Variants in GARNL3 observed in about 807,000 individuals in gnomAD.
GARNL3 encodes the protein GTPase activating Rap/RanGAP domain like 3.
Under a neutral mutation model 125.0 loss-of-function variants are expected in GARNL3, and 63 were observed. The observed-to-expected ratio is 0.50, with a 90% CI of 0.41 to 0.62. GARNL3 has a LOEUF of 0.62. GARNL3 is among the 20% of genes least tolerant of loss of function. GARNL3 has a pLI of 0.00. For synonymous variants in GARNL3, 439 were observed against 457.5 expected, an observed-to-expected ratio of 0.96 and a Z score of 0.52; for missense variants, 994 against 1,244.0, an observed-to-expected ratio of 0.80 and a Z score of 3.02.
intron 22 of GARNL3, among the ~76,000 whole-genome samples, chr9:127,368,008 CTTT>C (rs10573639): frequency 6.0e-4 from 49 of 81,908 alleles, no homozygotes; most frequent in Non-Finnish European, 9.1e-4. Flanking sequence ...CATAGACTTT[CTTT>C]TTTTTTTTTT....
chr9:127,370,879 C>T (rs1020282598), intron 22 of GARNL3, among the ~76,000 whole-genome samples: 2 of 152,234 alleles, frequency 1.3e-5, no homozygotes, highest in Admixed American at 1.3e-4. Flanking sequence ...ACTCCCAGGT[C>T]TCTCCAGTCC....
intron 16 of GARNL3, 37 bp from the exon 17 acceptor site, chr9:127,348,887 G>T: frequency 7.1e-7 from 1 of 1,405,324 alleles, no homozygotes; most frequent in East Asian, 2.3e-5. Context: ...TATTTTTTCT[G>T]GTGCACTTAT....
chr9:127,369,705 A>G (rs976700073), intron 22 of GARNL3, among the ~76,000 whole-genome samples: 3 of 152,222 alleles, frequency 2.0e-5, no homozygotes, highest in Non-Finnish European at 4.4e-5. Context: ...GGAGAAGAGA[A>G]AGCAGACTGG....
chr9:127,370,915 A>G (rs183843454), intron 22 of GARNL3, among the ~76,000 whole-genome samples: 48 of 152,200 alleles, frequency 3.2e-4, no homozygotes, highest in East Asian at 1.5e-3. Context: ...CTCTGCACCA[A>G]TGTGTCACAC....
At chr9:127,224,657 C>G (rs903630239) in intron 1 of GARNL3, 3 of 152,954 alleles carry the variant, frequency 2.0e-5, no homozygotes, top group African/African-American at 7.3e-5. Flanking sequence ...AGGCCGAACT[C>G]CAAGGGACGA....
rs560667596 is a variant in GARNL3 at position 127,266,097 on chromosome 9, C to A, written c.144+1076C>A. On this transcript the variant is annotated intron_variant, in intron 1 of 27. Coordinates refer to ENST00000373387, the MANE Select transcript of GARNL3 (RefSeq NM_032293.5). This position sits in a 1 kb window ranked among gnomAD's most constrained non-coding sequence, Gnocchi z 4.0. ...GATACCTCAGTTGATTCAGTCAACA[C>A]CTGTTCTGTCTGTCACTGGTGACAC... 1.9e-4 allele frequency among the ~76,000 whole-genome samples: 29 copies of A among 152,336 alleles called. No individual in the cohort carries two copies. The South Asian group carries it at 6.0e-3, about 32-fold the overall frequency.
At chr9:127,321,888 G>A (rs777995468) in intron 6 of GARNL3, among the ~76,000 whole-genome samples, 1 of 152,200 alleles carries the variant, frequency 6.6e-6, no homozygotes, top group Non-Finnish European at 1.5e-5. Flanking sequence ...GAGGAGGACT[G>A]ATTGGAACAT....
intron 1 of GARNL3, among the ~76,000 whole-genome samples, chr9:127,284,591 T>G (rs1381087739): frequency 6.6e-6 from 1 of 152,108 alleles, no homozygotes; most frequent in African/African-American, 2.4e-5. Flanking sequence ...TTCATTGTTT[T>G]TATCCTTTTT....
chr9:127,384,343 G>A lies in GARNL3; in HGVS notation c.2270-684G>A, dbSNP rs1437465799. Reference sequence around the variant, plus strand: ...TGCGCTCATCCATGGAAAGAGTGCAGAGAGAGCCAGTGCGAAGAAGGGGAC... The same window carrying A: ...TGCGCTCATCCATGGAAAGAGTGCAAAGAGAGCCAGTGCGAAGAAGGGGAC... On this transcript the variant is annotated intron_variant, in intron 23 of 27. Coordinates refer to ENST00000373387, the MANE Select transcript of GARNL3 (RefSeq NM_032293.5). This position sits in a 1 kb window ranked among gnomAD's most constrained non-coding sequence, Gnocchi z 4.0. Among the ~76,000 whole-genome samples the A allele has an allele frequency of 1.3e-5, 2 of 152,124 alleles. No individual in the cohort carries two copies. Among genetic ancestry groups the A allele is most frequent in the Non-Finnish European group, 2.9e-5 (2 of 68,028 alleles).
intron 5 of GARNL3, among the ~76,000 whole-genome samples, chr9:127,319,617 C>A (rs1588846828): frequency 6.6e-6 from 1 of 152,092 alleles, no homozygotes; most frequent in East Asian, 1.9e-4. Flanking sequence ...CTGAGCAGTT[C>A]TAAAGCCTGA....
intron 7 of GARNL3, among the ~76,000 whole-genome samples, chr9:127,329,878 T>C (rs903152243): frequency 1.3e-5 from 2 of 152,174 alleles, no homozygotes; most frequent in African/African-American, 4.8e-5. Flanking sequence ...CTTTCTGGTT[T>C]TAGCAGGCTG....
intron 25 of GARNL3, 129 bp from the exon 26 acceptor site, chr9:127,388,775 G>A: frequency 1.5e-6 from 1 of 668,700 alleles, no homozygotes. Context: ...CCTCCCAGTG[G>A]GACATTACAG....
chr9:127,375,632 C>T (rs567870516), intron 22 of GARNL3, among the ~76,000 whole-genome samples: 1 of 152,326 alleles, frequency 6.6e-6, no homozygotes, highest in South Asian at 2.1e-4. Context: ...TTCCTTGATA[C>T]TTCTTCCCTC....
At chr9:127,373,831 G>A (rs1372687411) in intron 22 of GARNL3, among the ~76,000 whole-genome samples, 1 of 152,098 alleles carries the variant, frequency 6.6e-6, no homozygotes. Context: ...ATGGTGAAAT[G>A]CTGTCTCTAC....
At chr9:127,334,806 C>G (rs755988640) in intron 9 of GARNL3, among the ~76,000 whole-genome samples, 2 of 152,188 alleles carry the variant, frequency 1.3e-5, no homozygotes, top group African/African-American at 2.4e-5. Context: ...CAAATTGAAT[C>G]CAAGTCGGCC....
chr9:127,284,767 A>G (rs1165367363), intron 1 of GARNL3, among the ~76,000 whole-genome samples: 1 of 151,238 alleles, frequency 6.6e-6, no homozygotes, highest in Non-Finnish European at 1.5e-5. Flanking sequence ...ATGCATATAA[A>G]TAAATTTATA....
intron 22 of GARNL3, among the ~76,000 whole-genome samples, chr9:127,367,928 G>GGAT (rs1188293306): frequency 6.6e-6 from 1 of 151,572 alleles, no homozygotes; most frequent in African/African-American, 2.4e-5. Flanking sequence ...TGACATGACA[G>GGAT]GATTTTATTT....
chr9:127,378,526 G>C (rs1174253756), intron 22 of GARNL3, among the ~76,000 whole-genome samples: 1 of 147,826 alleles, frequency 6.8e-6, no homozygotes, highest in Non-Finnish European at 1.5e-5. Context: ...GGCGGAGGTT[G>C]TGGTGAGCCG....
At chr9:127,300,919 C>T (rs147559640) in intron 2 of GARNL3, 2,475 of 223,534 alleles carry the variant, frequency 0.011, 22 homozygotes, top group Middle Eastern at 0.018. Flanking sequence ...GCATCTAACT[C>T]GGCCCTGTTC....
Sources: allele counts gnomAD v4.1 joint callset (sites outside exome capture counted in the v4.1 genomes callset), GRCh38; gene constraint gnomAD v4.1.1; non-coding constraint Gnocchi (gnomAD v3.1); transcripts MANE v1.5; gene names NCBI Gene and HGNC (gene_info 2026-07-23, HGNC 2026-07-21).